The following RAB27B variants were observed in gnomAD, a reference collection of about 807,000 sequenced individuals.
RAB27B encodes ras-related protein Rab-27B.
Under a neutral mutation model 24.6 loss-of-function variants are expected in RAB27B, and 15 were observed. That is an observed-to-expected ratio of 0.61 (90% CI 0.41 to 0.94). The LOEUF is 0.94. RAB27B is among the 40% of genes least tolerant of loss of function. The pLI, the probability that RAB27B is intolerant of heterozygous loss-of-function variation, is 0.00. For synonymous variants in RAB27B, 105 were observed against 92.5 expected, an observed-to-expected ratio of 1.14 and a Z score of -0.78; for missense variants, 261 against 266.8, an observed-to-expected ratio of 0.98 and a Z score of 0.15.
chr18:54,856,111 A>G (rs1316151183), intron 1 of RAB27B, among the ~76,000 whole-genome samples: 2 of 152,238 alleles, frequency 1.3e-5, no homozygotes, highest in Non-Finnish European at 2.9e-5. Flanking sequence ...GGCTATAAAA[A>G]AGAATTAAAA....
chr18:54,839,220 C>G (rs978278276), intron 1 of RAB27B, among the ~76,000 whole-genome samples: 2 of 152,140 alleles, frequency 1.3e-5, no homozygotes, highest in Admixed American at 1.3e-4. Context: ...AGCATACATT[C>G]ATTGAATATA....
intron 1 of RAB27B, among the ~76,000 whole-genome samples, chr18:54,875,961 C>G (rs1292127112): frequency 6.6e-6 from 1 of 152,026 alleles, no homozygotes; most frequent in African/African-American, 2.4e-5. Flanking sequence ...GATATGTCCT[C>G]TATTAGTCCA....
intron 2 of RAB27B, among the ~76,000 whole-genome samples, chr18:54,747,847 C>T (rs1347176555): frequency 1.3e-5 from 2 of 152,122 alleles, no homozygotes; most frequent in African/African-American, 4.8e-5. Flanking sequence ...GTGGCTCCTG[C>T]CTATAGTCCC....
chr18:54,718,188 G>T (rs907074554), intron 2 of RAB27B: 1 of 152,072 alleles, frequency 6.6e-6, no homozygotes, highest in South Asian at 2.1e-4. Flanking sequence ...TGTATTAGTC[G>T]TGTCTCTTGA....
intron 2 of RAB27B, among the ~76,000 whole-genome samples, chr18:54,813,961 A>G (rs1286892749): frequency 6.6e-6 from 1 of 152,176 alleles, no homozygotes; most frequent in Non-Finnish European, 1.5e-5. Context: ...AACTCTAAGC[A>G]CCTAACATAG....
chr18:54,802,997 T>C (rs1486779715), intron 2 of RAB27B, among the ~76,000 whole-genome samples: 1 of 152,248 alleles, frequency 6.6e-6, no homozygotes, highest in Admixed American at 6.5e-5. Flanking sequence ...ATTCATTTAT[T>C]CAGTTAATAT....
At chr18:54,741,012 C>T (rs148925832) in intron 2 of RAB27B, among the ~76,000 whole-genome samples, 1 of 152,084 alleles carries the variant, frequency 6.6e-6, no homozygotes, top group Non-Finnish European at 1.5e-5. Context: ...AATCTAATAA[C>T]CTACTTTCAT....
intron 2 of RAB27B, among the ~76,000 whole-genome samples, chr18:54,809,401 A>G (rs1909894195): frequency 1.3e-5 from 2 of 152,174 alleles, no homozygotes; most frequent in Non-Finnish European, 2.9e-5. Flanking sequence ...GGAGCAGACC[A>G]CATGCCTCAG....
chr18:54,845,393 G>A (rs1192905073), intron 1 of RAB27B, among the ~76,000 whole-genome samples: 2 of 109,488 alleles, frequency 1.8e-5, no homozygotes. Context: ...GGCGATAAGT[G>A]AGACTCCATC....
chr18:54,741,088 C>T (rs1478229155), intron 2 of RAB27B, among the ~76,000 whole-genome samples: 4 of 152,094 alleles, frequency 2.6e-5, no homozygotes, highest in Non-Finnish European at 5.9e-5. Flanking sequence ...ACCTAAGAGG[C>T]AAGTGGTATC....
At chr18:54,840,216 T>A (rs1331255859) in intron 1 of RAB27B, among the ~76,000 whole-genome samples, 1 of 152,200 alleles carries the variant, frequency 6.6e-6, no homozygotes, top group Non-Finnish European at 1.5e-5. Flanking sequence ...GTAAAATTAA[T>A]CTTTCTTAGA....
intron 2 of RAB27B, among the ~76,000 whole-genome samples, chr18:54,809,339 T>C (rs1485900741): frequency 6.6e-6 from 1 of 152,198 alleles, no homozygotes. Context: ...CAGTAGAGTA[T>C]GCACTGAAGA....
At chr18:54,803,755 T>G (rs1397770248) in intron 2 of RAB27B, among the ~76,000 whole-genome samples, 2 of 152,180 alleles carry the variant, frequency 1.3e-5, no homozygotes, top group African/African-American at 4.8e-5. Context: ...AGAGGTGATT[T>G]CTTGGCTTTG....
At chr18:54,784,728 G>A (rs1335655822) in intron 2 of RAB27B, among the ~76,000 whole-genome samples, 1 of 152,142 alleles carries the variant, frequency 6.6e-6, no homozygotes, top group Admixed American at 6.5e-5. Flanking sequence ...ATAGGCACCT[G>A]GGTTGATTCC....
chr18:54,822,508 C>T (rs1910342004), intron 2 of RAB27B, among the ~76,000 whole-genome samples: 1 of 152,032 alleles, frequency 6.6e-6, no homozygotes, highest in African/African-American at 2.4e-5. Context: ...TGCACCTCAC[C>T]GTAAAGCTAC....
At chr18:54,855,837 T>A (rs1911763287) in intron 1 of RAB27B, among the ~76,000 whole-genome samples, 1 of 152,246 alleles carries the variant, frequency 6.6e-6, no homozygotes, top group South Asian at 2.1e-4. Context: ...AGATGCTTTT[T>A]CTTATATAAA....
intron 2 of RAB27B, among the ~76,000 whole-genome samples, chr18:54,773,112 T>C (rs1908604673): frequency 1.3e-5 from 2 of 152,214 alleles, no homozygotes; most frequent in African/African-American, 4.8e-5. Flanking sequence ...GGCCATCTCA[T>C]ATTTCTGTCC....
chr18:54,811,288 G>T lies in RAB27B; in HGVS notation c.-19-66279G>T, dbSNP rs1246972071. Among the ~76,000 whole-genome samples the T allele has an allele frequency of 3.3e-5, 5 of 152,232 alleles. No homozygotes were observed. In the South Asian group the frequency reaches 1.0e-3, roughly 32 times the overall value. On this transcript the variant is annotated intron_variant, in intron 2 of 4. Transcript: ENST00000586570. ...CATACCTGTGACATAGCCTCAGGAG[G>T]TTCTGATGACATGTGCCAAAGATGG...
chr18:54,785,660 T>C (rs978552687), intron 2 of RAB27B, among the ~76,000 whole-genome samples: 1 of 152,170 alleles, frequency 6.6e-6, no homozygotes, highest in African/African-American at 2.4e-5. Context: ...TTTGGGGTTT[T>C]ATTTGTTTTG....
Sources: gnomAD v4.1 joint callset for allele counts (sites outside exome capture counted in the v4.1 genomes callset) on GRCh38, gnomAD v4.1.1 for gene constraint, MANE v1.5 for transcripts, NCBI Gene and HGNC (gene_info 2026-07-23, HGNC 2026-07-21) for gene names.